SLC26A5: variants seen among roughly 807,000 people sequenced by gnomAD.
SLC26A5 encodes the protein solute carrier family 26 member 5.
Under a neutral mutation model 81.0 loss-of-function variants are expected in SLC26A5, and 51 were observed. The ratio of observed to expected loss-of-function variants is 0.63; its 90% CI spans 0.50 to 0.80. SLC26A5 has a LOEUF of 0.80. Among genes scored for constraint, SLC26A5 ranks in the 30% least tolerant of loss-of-function variants. The pLI, the probability that SLC26A5 is intolerant of heterozygous loss-of-function variation, is 0.00. For missense variants in SLC26A5, 771 were observed against 905.8 expected (o/e 0.85, Z 1.91); for synonymous variants, 325 against 332.8 (o/e 0.98, Z 0.25).
rs777188484 is a variant in SLC26A5 at position 103,410,394 on chromosome 7, G to A, written c.726C>T (p.Ser242=). The A allele has an allele frequency of 5.6e-6, 9 of 1,613,854 alleles. No individual in the cohort carries two copies. Among genetic ancestry groups the A allele is most frequent in the South Asian group, 4.4e-5 (4 of 91,072 alleles). ...GTAGTTTCTTACTTACATACACCAC[G>A]GAAAAGATTCCACTGTACCGCTTTG... ...VKTKRYSGIF[S]VVYSTVAVLQ... Residue 242 remains serine, a synonymous_variant, in exon 7 of 20, where the codon TCC becomes TCT. Transcript: ENST00000306312.
At chr7:103,412,556 T>G (rs901546339) in intron 5 of SLC26A5, among the ~76,000 whole-genome samples, 6 of 148,374 alleles carry the variant, frequency 4.0e-5, no homozygotes, top group African/African-American at 1.0e-4. Flanking sequence ...TTTTTTTGTT[T>G]TTTTTTTTTT....
intron 7 of SLC26A5, 41 bp from the exon 8 acceptor site, chr7:103,408,044 G>A (rs202231157): frequency 6.8e-6 from 11 of 1,612,682 alleles, no homozygotes; most frequent in African/African-American, 1.3e-5. Context: ...TCAAGAAATC[G>A]CCCCTGAGAG....
At chr7:103,442,138 C>CT (rs373899310) in intron 2 of SLC26A5, among the ~76,000 whole-genome samples, 15 of 119,924 alleles carry the variant, frequency 1.3e-4, no homozygotes, top group East Asian at 3.0e-4. Context: ...CTTCATCACT[C>CT]TTTTTTTTTT....
chr7:103,412,732 A>C (rs1824601727), intron 5 of SLC26A5, among the ~76,000 whole-genome samples: 1 of 151,834 alleles, frequency 6.6e-6, no homozygotes, highest in Non-Finnish European at 1.5e-5. Context: ...GTATTTTTAC[A>C]AAGAGATGGG....
At chr7:103,358,083 A>G (rs1820146897) in intron 19 of SLC26A5, among the ~76,000 whole-genome samples, 1 of 152,128 alleles carries the variant, frequency 6.6e-6, no homozygotes, top group South Asian at 2.1e-4. Flanking sequence ...CTTCTTGGAA[A>G]AGGGTCAGTT....
At chr7:103,441,973 G>T (rs1826912210) in intron 2 of SLC26A5, among the ~76,000 whole-genome samples, 1 of 152,200 alleles carries the variant, frequency 6.6e-6, no homozygotes. Flanking sequence ...CTGTGGGCCT[G>T]CTTTCCATCC....
At chr7:103,422,024 T>A (rs1825391374) in intron 2 of SLC26A5, among the ~76,000 whole-genome samples, 1 of 152,244 alleles carries the variant, frequency 6.6e-6, no homozygotes, top group Admixed American at 6.5e-5. Context: ...ATTCTATGGT[T>A]CAGAGTTTAG....
In SLC26A5 at chr7:103,376,887, T is replaced by C. The variant is rs759050457; in HGVS notation, c.1987-25A>G. The C allele has an allele frequency of 4.0e-6, 6 of 1,497,446 alleles. No homozygotes were observed. The Admixed American group carries it at 1.0e-4, about 25-fold the overall frequency. 92.8% of individuals were successfully genotyped at this position (1,497,446 alleles called of 1,614,324 possible). A position where few individuals can be genotyped will look rare whatever the true frequency, so the allele number is the denominator to read the frequency against. ...TCTGTAATAATGTTGAAATAAAATT[T>C]AGTTTCTCTTTACTCTGTGCCAGAT... On this transcript the variant is annotated intron_variant, in intron 18 of 19. Coordinates refer to ENST00000306312, the MANE Select transcript of SLC26A5 (RefSeq NM_198999.3).
chr7:103,357,589 A>ACG (rs1363381373), intron 19 of SLC26A5, among the ~76,000 whole-genome samples: 1 of 152,138 alleles, frequency 6.6e-6, no homozygotes, highest in Non-Finnish European at 1.5e-5. Flanking sequence ...CCTTGAAGGC[A>ACG]CACCTTTCCT....
Position 103,374,351 on chromosome 7 carries a change from T to C in SLC26A5, c.*48A>G. The C allele has an allele frequency of 6.2e-7, 1 of 1,609,484 alleles. No individual in the cohort carries two copies. The highest frequency in any genetic ancestry group is 1.1e-5 in the South Asian group (1 of 90,402). On this transcript the variant is annotated 3_prime_UTR_variant, in exon 20 of 20. Coordinates refer to ENST00000306312, the MANE Select transcript of SLC26A5 (RefSeq NM_198999.3). ...TCTAGTATTTAAAACGTGTAAATTA[T>C]GAACTTCATGAGAGGCTTATAACCC... is the stretch of plus-strand genomic sequence containing the variant.
chr7:103,380,630 G>A (rs1821700827), intron 14 of SLC26A5, 81 bp from the exon 15 acceptor site: 1 of 1,333,212 alleles, frequency 7.5e-7, no homozygotes, highest in Admixed American at 1.7e-5. Flanking sequence ...GTTTATGTCA[G>A]GTTGGGGTTT....
chr7:103,357,381 C>T (rs1354802134), intron 19 of SLC26A5, among the ~76,000 whole-genome samples: 1 of 150,950 alleles, frequency 6.6e-6, no homozygotes, highest in Non-Finnish European at 1.5e-5. Context: ...AACTGTATTT[C>T]CCAATTTCTC....
At chr7:103,353,853 A>G (rs1819870665) in intron 19 of SLC26A5, 33 of 1,319,070 alleles carry the variant, frequency 2.5e-5, no homozygotes, top group Non-Finnish European at 2.2e-6. Flanking sequence ...AAAAAGCTCT[A>G]GTTTCTTTTT....
At chr7:103,382,684 T>C (rs1374855541) in intron 14 of SLC26A5, among the ~76,000 whole-genome samples, 5 of 152,156 alleles carry the variant, frequency 3.3e-5, no homozygotes, top group Non-Finnish European at 5.9e-5. Context: ...AAGGACCATC[T>C]GGCTCAAATT....
At chr7:103,361,046 G>A (rs150916904) in intron 19 of SLC26A5, among the ~76,000 whole-genome samples, 7,967 of 151,786 alleles carry the variant, frequency 0.052, 288 homozygotes, top group South Asian at 0.14. Flanking sequence ...CCCAGGAGGC[G>A]GAGATTGTAA....
At chr7:103,368,170 T>G (rs1292865026) in intron 19 of SLC26A5, 1 of 888,780 alleles carries the variant, frequency 1.1e-6, no homozygotes, top group Non-Finnish European at 1.7e-6. Flanking sequence ...TTTTTCCATA[T>G]CTCTTCTTGT....
At chr7:103,374,647 A>G in intron 19 of SLC26A5, 55 bp from the exon 20 acceptor site, 1 of 1,549,256 alleles carries the variant, frequency 6.5e-7, no homozygotes, top group South Asian at 1.1e-5. Flanking sequence ...GTCTTCAACA[A>G]TTAAAAAAAA....
intron 2 of SLC26A5, among the ~76,000 whole-genome samples, chr7:103,438,365 T>A (rs553483965): frequency 2.0e-5 from 3 of 151,738 alleles, no homozygotes; most frequent in South Asian, 4.2e-4. Flanking sequence ...TTTAAAAAAA[T>A]TTCTTTATAT....
At chr7:103,419,953 G>C (rs1032137459) in intron 4 of SLC26A5, among the ~76,000 whole-genome samples, 1 of 152,090 alleles carries the variant, frequency 6.6e-6, no homozygotes, top group African/African-American at 2.4e-5. Flanking sequence ...GCCTTGATTG[G>C]ATGGTTAGTG....
Sources: allele counts gnomAD v4.1 joint callset (sites outside exome capture counted in the v4.1 genomes callset), GRCh38; gene constraint gnomAD v4.1.1; transcripts MANE v1.5; gene names NCBI Gene and HGNC (gene_info 2026-07-23, HGNC 2026-07-21).